Variants in PAK1 observed in about 807,000 individuals in gnomAD.
PAK1 encodes the protein serine/threonine-protein kinase PAK 1.
In PAK1, 29 loss-of-function variants were observed where a neutral mutation model predicts 67.4. That is an observed-to-expected ratio of 0.43 (90% CI 0.32 to 0.59). PAK1 has a LOEUF of 0.59. PAK1 is among the 20% of genes least tolerant of loss of function. PAK1 has a pLI of 0.07. For synonymous variants in PAK1, 223 were observed against 237.4 expected (o/e 0.94, Z 0.56); for missense variants, 337 against 670.7 (o/e 0.50, Z 5.50).
chr11:77,459,677 G>T (rs1400985797), intron 1 of PAK1, among the ~76,000 whole-genome samples: 1 of 144,954 alleles, frequency 6.9e-6, no homozygotes, highest in Non-Finnish European at 1.5e-5. Flanking sequence ...AAAACAGAGG[G>T]GCTCTTCTTC....
intron 9 of PAK1, among the ~76,000 whole-genome samples, chr11:77,345,919 G>A (rs1424592345): frequency 7.9e-5 from 12 of 152,174 alleles, no homozygotes; most frequent in Non-Finnish European, 1.5e-4. Flanking sequence ...AGCAGCAGGG[G>A]AGGAGAGGCA....
rs529049934 is a variant in PAK1 at position 77,397,879 on chromosome 11, C to T, written c.-21-5338G>A. ...CAAGAGGAAATTACCTAAGATCACA[C>T]AGCAATTTATAGGTAGAGTAGGGAT... is the stretch of plus-strand genomic sequence containing the variant. On this transcript the variant is annotated intron_variant, in intron 1 of 14. Transcript: ENST00000356341. Among the ~76,000 whole-genome samples the T allele has an allele frequency of 1.6e-4, 25 of 152,342 alleles. No homozygotes were observed. The South Asian group carries it at 5.0e-3, about 30-fold the overall frequency.
chr11:77,330,171 G>A (rs1941129115), intron 14 of PAK1, among the ~76,000 whole-genome samples: 1 of 152,142 alleles, frequency 6.6e-6, no homozygotes, highest in Non-Finnish European at 1.5e-5. Context: ...CATACTCGTG[G>A]GTAGGAAGAA....
chr11:77,392,637 C>T (rs1442413101), intron 1 of PAK1, 96 bp from the exon 2 acceptor site: 2 of 939,416 alleles, frequency 2.1e-6, no homozygotes, highest in South Asian at 3.8e-5. Flanking sequence ...ATTATACAGC[C>T]CTTCCTTCAG....
chr11:77,495,508 T>C, the PAK1 span, among the ~76,000 whole-genome samples: 181 of 152,150 alleles, frequency 1.2e-3, 2 homozygotes, highest in Middle Eastern at 6.8e-3. Context: ...AAAATAGGAT[T>C]ACCATATTAT....
At chr11:77,524,557 T>C in the PAK1 span, among the ~76,000 whole-genome samples, 1 of 152,254 alleles carries the variant, frequency 6.6e-6, no homozygotes, top group Non-Finnish European at 1.5e-5. Flanking sequence ...AAGCCTGCCC[T>C]CTTCTGTGTT....
chr11:77,426,048 G>C (rs1283388858), intron 1 of PAK1, among the ~76,000 whole-genome samples: 1 of 147,978 alleles, frequency 6.8e-6, no homozygotes, highest in African/African-American at 2.5e-5. Flanking sequence ...ACTGCACCAA[G>C]CCCATTCTTG....
chr11:77,407,635 G>A (rs1443397583), intron 1 of PAK1, among the ~76,000 whole-genome samples: 1 of 152,212 alleles, frequency 6.6e-6, no homozygotes, highest in East Asian at 1.9e-4. Context: ...ACCCTATGAG[G>A]TGTTAAATCC....
At chr11:77,435,657 C>CTTTTTTTTTTTTT (rs35603502) in intron 1 of PAK1, among the ~76,000 whole-genome samples, 333 of 68,630 alleles carry the variant, frequency 4.9e-3, no homozygotes, top group African/African-American at 5.3e-3. Flanking sequence ...CTACACCTGG[C>CTTTTTTTTTTTTT]TTTTTTTTTT....
chr11:77,489,574 G>A, the PAK1 span, among the ~76,000 whole-genome samples: 1 of 152,176 alleles, frequency 6.6e-6, no homozygotes, highest in Non-Finnish European at 1.5e-5. Flanking sequence ...TCGGCCTGCG[G>A]AGTGCCTGCG....
the PAK1 span, among the ~76,000 whole-genome samples, chr11:77,495,184 A>T: frequency 8.8e-5 from 13 of 147,462 alleles, no homozygotes; most frequent in Non-Finnish European, 1.5e-4. Context: ...ATTTTTTTTT[A>T]AATTAGAGGC....
rs1235864072 is a variant in PAK1, at chr11:77,473,734, G to A, written c.-204C>T. The A allele has an allele frequency of 6.8e-6, 1 of 146,618 alleles. No homozygotes were observed. The highest frequency in any genetic ancestry group is 1.5e-5 in the Non-Finnish European group (1 of 66,108). The allele number at this position is 146,618 out of a possible 1,614,324, so 9.1% of individuals were successfully genotyped here. A position where few individuals can be genotyped will look rare whatever the true frequency, so the allele number is the denominator to read the frequency against. Reference sequence around the variant, plus strand: ...ACAGGGGAACTGCGAGGGAAGGGATGATGGGGGGGCGGGAGGGAGCGAGGC... The same window carrying A: ...ACAGGGGAACTGCGAGGGAAGGGATAATGGGGGGGCGGGAGGGAGCGAGGC... On this transcript the variant is annotated 5_prime_UTR_variant, in exon 1 of 15. Coordinates refer to ENST00000356341, the MANE Select transcript of PAK1 (RefSeq NM_002576.5).
the PAK1 span, among the ~76,000 whole-genome samples, chr11:77,490,649 C>G: frequency 1.3e-5 from 2 of 152,142 alleles, no homozygotes; most frequent in Admixed American, 1.3e-4. Context: ...TCATTGAGAA[C>G]GGGCCAGGAT....
At chr11:77,449,691 T>TAA (rs35907304) in intron 1 of PAK1, among the ~76,000 whole-genome samples, 4,076 of 113,856 alleles carry the variant, frequency 0.036, 178 homozygotes, top group African/African-American at 0.11. Flanking sequence ...ATCCTATAGG[T>TAA]AAAAAAAAAA....
chr11:77,430,103 T>C (rs1037349026), intron 1 of PAK1, among the ~76,000 whole-genome samples: 10 of 152,206 alleles, frequency 6.6e-5, no homozygotes, highest in South Asian at 2.1e-4. Context: ...AGACTCTTTC[T>C]GAACCTCATA....
chr11:77,474,180 T>TCTCCCCCTCCCCCTCCCCCA (rs748332826), upstream of PAK1: 9 of 146,528 alleles, frequency 6.1e-5, no homozygotes, highest in Middle Eastern at 3.5e-3. Flanking sequence ...CCTTTCCCCT[T>TCTCCCCCTCCCCCTCCCCCA]CTCCCCCTCC....
intron 2 of PAK1, among the ~76,000 whole-genome samples, chr11:77,383,866 G>A (rs1362424787): frequency 6.6e-6 from 1 of 152,136 alleles, no homozygotes; most frequent in Non-Finnish European, 1.5e-5. Context: ...GAGCTAAACA[G>A]CTGAGGTCAG....
At chr11:77,465,634 C>A (rs1002565054) in intron 1 of PAK1, among the ~76,000 whole-genome samples, 5 of 151,924 alleles carry the variant, frequency 3.3e-5, no homozygotes, top group African/African-American at 1.2e-4. Flanking sequence ...TGAGATAATT[C>A]CATATGAGAA....
chr11:77,404,805 T>C (rs567294239), intron 1 of PAK1, among the ~76,000 whole-genome samples: 1 of 152,334 alleles, frequency 6.6e-6, no homozygotes, highest in East Asian at 1.9e-4. Context: ...CCCTCTCTGT[T>C]AGATATATTC....
Sources: allele counts gnomAD v4.1 joint callset (sites outside exome capture counted in the v4.1 genomes callset), GRCh38; gene constraint gnomAD v4.1.1; transcripts MANE v1.5; gene names NCBI Gene and HGNC (gene_info 2026-07-23, HGNC 2026-07-21).